TSPAN5: variants seen among roughly 807,000 people sequenced by gnomAD.
TSPAN5 encodes tetraspanin 5.
In TSPAN5, 10 loss-of-function variants were observed where a neutral mutation model predicts 37.1. The ratio of observed to expected loss-of-function variants is 0.27; its 90% CI spans 0.17 to 0.46. TSPAN5 has a LOEUF of 0.46. Among genes scored for constraint, TSPAN5 ranks in the 20% least tolerant of loss-of-function variants. The pLI, the probability that TSPAN5 is intolerant of heterozygous loss-of-function variation, is 1.00. For missense variants in TSPAN5, 195 were observed against 326.6 expected (o/e 0.60, Z 3.11); for synonymous variants, 110 against 118.9 (o/e 0.93, Z 0.48).
At chr4:98,543,208 C>T (rs1754397948) in intron 1 of TSPAN5, among the ~76,000 whole-genome samples, 1 of 152,108 alleles carries the variant, frequency 6.6e-6, no homozygotes, top group Non-Finnish European at 1.5e-5. Context: ...AGCTAACTGG[C>T]CAATTATCAG....
At chr4:98,535,929 C>T (rs982705849) in intron 1 of TSPAN5, among the ~76,000 whole-genome samples, 4 of 152,094 alleles carry the variant, frequency 2.6e-5, no homozygotes, top group Non-Finnish European at 5.9e-5. Flanking sequence ...GTTAGCAATT[C>T]GTCTAACCTT....
At chr4:98,504,175 G>T (rs1373196779) in intron 2 of TSPAN5, among the ~76,000 whole-genome samples, 2 of 152,162 alleles carry the variant, frequency 1.3e-5, no homozygotes, top group African/African-American at 4.8e-5. Context: ...TCTTCCAGTG[G>T]AAATCTCATC....
At chr4:98,499,400 C>T (rs1753289452) in intron 2 of TSPAN5, among the ~76,000 whole-genome samples, 1 of 152,184 alleles carries the variant, frequency 6.6e-6, no homozygotes. Context: ...CCTGTCTAAT[C>T]ACTGGGCCTG....
chr4:98,481,077 C>G (rs369450480), intron 4 of TSPAN5, among the ~76,000 whole-genome samples: 2 of 151,928 alleles, frequency 1.3e-5, no homozygotes, highest in African/African-American at 4.8e-5. Context: ...CCACAGACAC[C>G]GCTGTCCAAG....
At chr4:98,480,411 A>G (rs1358469714) in intron 4 of TSPAN5, among the ~76,000 whole-genome samples, 1 of 152,240 alleles carries the variant, frequency 6.6e-6, no homozygotes, top group Admixed American at 6.5e-5. Context: ...TCCAATTAAA[A>G]TATATTAAAA....
Position 98,521,721 on chromosome 4 carries a change from C to T in TSPAN5, c.82-13993G>A, listed in dbSNP as rs575190810. 7.2e-5 allele frequency among the ~76,000 whole-genome samples: 11 copies of T among 152,338 alleles called. No individual in the cohort carries two copies. In the South Asian group the frequency reaches 2.3e-3, roughly 32 times the overall value. On this transcript the variant is annotated intron_variant, in intron 1 of 7. Transcript: ENST00000305798. ...CAGCTTGCCCTGTGGGATGTCAGCACCATCAGAGCTGAGGAGGCTGCTGAG... is the reference window on the plus strand; with the variant it reads ...CAGCTTGCCCTGTGGGATGTCAGCATCATCAGAGCTGAGGAGGCTGCTGAG...
intron 1 of TSPAN5, among the ~76,000 whole-genome samples, chr4:98,639,941 G>T (rs1051657355): frequency 5.3e-5 from 8 of 152,090 alleles, no homozygotes; most frequent in African/African-American, 1.4e-4. Flanking sequence ...AAATGAAAAA[G>T]GATCAGACAG....
intron 1 of TSPAN5, among the ~76,000 whole-genome samples, chr4:98,591,901 T>C (rs2110208892): frequency 6.6e-6 from 1 of 151,788 alleles, no homozygotes; most frequent in East Asian, 1.9e-4. Context: ...GAACCAAAAA[T>C]AGCCAAAAGA....
At chr4:98,547,225 G>A (rs757460328) in intron 1 of TSPAN5, among the ~76,000 whole-genome samples, 20 of 152,108 alleles carry the variant, frequency 1.3e-4, no homozygotes, top group Non-Finnish European at 2.2e-4. Flanking sequence ...TCCTCTCCCC[G>A]CCCAGGAAGA....
intron 1 of TSPAN5, among the ~76,000 whole-genome samples, chr4:98,606,500 A>G (rs1756042200): frequency 6.6e-6 from 1 of 152,208 alleles, no homozygotes; most frequent in Admixed American, 6.5e-5. Context: ...TTAAACATAA[A>G]CTATGTAAGT....
chr4:98,653,812 A>C (rs1237468835), intron 1 of TSPAN5, among the ~76,000 whole-genome samples: 1 of 152,230 alleles, frequency 6.6e-6, no homozygotes, highest in African/African-American at 2.4e-5. Context: ...CAGTGCCTTA[A>C]TACAGTAGAC....
chr4:98,517,659 G>A (rs999816242), intron 1 of TSPAN5, among the ~76,000 whole-genome samples: 1 of 152,066 alleles, frequency 6.6e-6, no homozygotes, highest in African/African-American at 2.4e-5. Flanking sequence ...AGAGAAGGGA[G>A]GGCTGTGCAA....
chr4:98,636,096 G>A (rs1756852380), intron 1 of TSPAN5, among the ~76,000 whole-genome samples: 1 of 152,150 alleles, frequency 6.6e-6, no homozygotes, highest in Admixed American at 6.5e-5. Context: ...TACCTTTGAT[G>A]GAAGGTAGAC....
At position 98,472,246 on chromosome 4, in the gene TSPAN5, CT is replaced by C. The variant is rs376778679; in HGVS notation, c.*275del. 24 of 336,870 alleles carry C rather than the reference CT, an allele frequency of 7.1e-5. No homozygotes were observed. Among genetic ancestry groups the C allele is most frequent in the South Asian group, 6.7e-4 (6 of 8,900 alleles). The allele number at this position is 336,870 out of a possible 1,614,324, so 20.9% of individuals were successfully genotyped here. On this transcript the variant is annotated 3_prime_UTR_variant, in exon 8 of 8. Coordinates refer to ENST00000305798, the MANE Select transcript of TSPAN5 (RefSeq NM_005723.4). ...AGTACATCTGGGTCCCCTACCCTCC[CT>C]TTTTTTCTTTTTTGGTAAGCATCTA...
chr4:98,633,515 T>A (rs533846618), intron 1 of TSPAN5, among the ~76,000 whole-genome samples: 1 of 152,332 alleles, frequency 6.6e-6, no homozygotes, highest in East Asian at 1.9e-4. Context: ...CTCTTCAGGA[T>A]TCGAAATCTC....
chr4:98,583,259 T>C (rs1425922653), intron 1 of TSPAN5, among the ~76,000 whole-genome samples: 1 of 152,236 alleles, frequency 6.6e-6, no homozygotes, highest in Non-Finnish European at 1.5e-5. Context: ...CACTTATTTA[T>C]TGATATAAAG....
At chr4:98,569,054 A>G (rs2110179174) in intron 1 of TSPAN5, among the ~76,000 whole-genome samples, 1 of 152,340 alleles carries the variant, frequency 6.6e-6, no homozygotes, top group African/African-American at 2.4e-5. Context: ...CCCACTGGCA[A>G]GCCTCCTGAC....
intron 1 of TSPAN5, among the ~76,000 whole-genome samples, chr4:98,647,629 CT>C (rs1266574261): frequency 6.6e-6 from 1 of 152,106 alleles, no homozygotes; most frequent in Non-Finnish European, 1.5e-5. Flanking sequence ...TAGAACATCA[CT>C]TTTCCCTTCC....
rs184767734 is a variant in TSPAN5 at position 98,560,044 on chromosome 4, T to C, written c.82-52316A>G. ...ATCCACAACATCTTAAAGTGGAAAA[T>C]GTAATTTTTCTAAGCAGAAGTATAT... On this transcript the variant is annotated intron_variant, in intron 1 of 7. Coordinates refer to ENST00000305798, the MANE Select transcript of TSPAN5 (RefSeq NM_005723.4). 3.3e-5 allele frequency: 5 copies of C among 152,298 alleles called. No individual in the cohort carries two copies. The East Asian group carries it at 5.8e-4, about 18-fold the overall frequency. The allele number at this position is 152,298 out of a possible 1,614,324, so 9.4% of individuals were successfully genotyped here.
Sources: allele counts gnomAD v4.1 joint callset (sites outside exome capture counted in the v4.1 genomes callset), GRCh38; gene constraint gnomAD v4.1.1; transcripts MANE v1.5; gene names NCBI Gene and HGNC (gene_info 2026-07-23, HGNC 2026-07-21).